SCN10A: variants seen among roughly 807,000 people sequenced by gnomAD.
SCN10A encodes the protein sodium channel protein type 10 subunit alpha.
Under a neutral mutation model 170.7 loss-of-function variants are expected in SCN10A, and 162 were observed. That is an observed-to-expected ratio of 0.95 (90% CI 0.84 to 1.08). The LOEUF (loss-of-function observed/expected upper bound fraction) is 1.08, where lower values mean the gene tolerates loss of function less well. SCN10A is among the 50% of genes least tolerant of loss of function. SCN10A has a pLI of 0.00. For synonymous variants in SCN10A, 985 were observed against 904.6 expected, an observed-to-expected ratio of 1.09 and a Z score of -1.59; for missense variants, 2,527 against 2,436.9, an observed-to-expected ratio of 1.04 and a Z score of -0.78.
At chr3:38,705,177 A>G (rs2063197465) in intron 26 of SCN10A, among the ~76,000 whole-genome samples, 1 of 152,168 alleles carries the variant, frequency 6.6e-6, no homozygotes, top group East Asian at 1.9e-4. Context: ...TGCCACTTCA[A>G]AGTTTTGTTT....
rs1372264391 is a variant in SCN10A at position 38,723,488 on chromosome 3, C to T, written c.3294G>A (p.Leu1098=). 3 of 1,613,718 alleles carry T rather than the reference C, an allele frequency of 1.9e-6. No individual in the cohort carries two copies. Among genetic ancestry groups the T allele is most frequent in the African/African-American group, 2.7e-5 (2 of 74,928 alleles). Residue 1098 remains leucine, a synonymous_variant, in exon 19 of 28, where the codon CTG becomes CTA. Transcript: ENST00000449082. ...TVDCLDPEEI[L]RKIPELADDL... is the part of the protein sequence containing the mutation. Reference sequence around the variant, plus strand: ...CATCTGCCAGCTCAGGGATCTTCCTCAGGATTTCCTCAGGATCTAGGCAGT... The same window carrying T: ...CATCTGCCAGCTCAGGGATCTTCCTTAGGATTTCCTCAGGATCTAGGCAGT...
chr3:38,717,144 T>A (rs1373471345), intron 21 of SCN10A, among the ~76,000 whole-genome samples: 2 of 151,520 alleles, frequency 1.3e-5, no homozygotes, highest in Admixed American at 6.6e-5. Context: ...AAGTTTAGAA[T>A]AAAAGATTGG....
At chr3:38,750,301 T>G in intron 12 of SCN10A, 117 bp from the exon 13 acceptor site, 1 of 603,632 alleles carries the variant, frequency 1.7e-6, no homozygotes. Flanking sequence ...CACTTACAGA[T>G]AGAGATATGT....
rs148344540 is a variant in SCN10A, at chr3:38,803,735, G to C, written c.-32-9693C>G. Among the ~76,000 whole-genome samples the C allele has an allele frequency of 3.3e-5, 5 of 151,794 alleles. No homozygotes were observed. In the East Asian group the frequency reaches 9.7e-4, roughly 30 times the overall value. ...AATGGGTGCAGCACACCAACATGAC[G>C]CATGTATACATATGTAACAAACCTG... On this transcript the variant is annotated intron_variant, in intron 1 of 27. Coordinates refer to ENST00000449082, the MANE Select transcript of SCN10A (RefSeq NM_006514.4).
intron 13 of SCN10A, among the ~76,000 whole-genome samples, chr3:38,748,599 G>T (rs1020660308): frequency 1.3e-5 from 2 of 152,090 alleles, no homozygotes; most frequent in African/African-American, 4.8e-5. Context: ...TCTGGTCCCT[G>T]GTGGGAGAGT....
At chr3:38,769,646 AT>A (rs2063976320) in intron 5 of SCN10A, among the ~76,000 whole-genome samples, 1 of 152,172 alleles carries the variant, frequency 6.6e-6, no homozygotes, top group African/African-American at 2.4e-5. Context: ...CTTTTGTCAT[AT>A]TACCAGAATT....
chr3:38,739,734 G>T, intron 14 of SCN10A, 46 bp from the exon 15 acceptor site: 2 of 1,460,080 alleles, frequency 1.4e-6, no homozygotes, highest in Non-Finnish European at 1.9e-6. Flanking sequence ...CTGTGGGGTC[G>T]GAGGCAATGA....
chr3:38,808,244 CTT>C (rs915023353), intron 1 of SCN10A, among the ~76,000 whole-genome samples: 6 of 55,030 alleles, frequency 1.1e-4, no homozygotes, highest in African/African-American at 8.1e-4. Flanking sequence ...TTCACACATG[CTT>C]TTTTCTCTCT....
intron 4 of SCN10A, among the ~76,000 whole-genome samples, chr3:38,780,434 G>C (rs11925007): frequency 1.8e-3 from 276 of 152,084 alleles, no homozygotes; most frequent in Non-Finnish European, 2.6e-3. Context: ...TTTAAAAATA[G>C]GTGAGTAAAA....
intron 26 of SCN10A, among the ~76,000 whole-genome samples, chr3:38,703,546 G>C (rs1422139234): frequency 6.6e-6 from 1 of 152,214 alleles, no homozygotes; most frequent in Non-Finnish European, 1.5e-5. Context: ...GATCATGAAT[G>C]ACTTCCCATA....
chr3:38,761,101 TAC>T (rs1215374671), intron 7 of SCN10A, 89 bp downstream of exon 7: 140 of 1,052,488 alleles, frequency 1.3e-4, no homozygotes, highest in Non-Finnish European at 1.7e-4. Flanking sequence ...TATATGTCTA[TAC>T]ACACACACAG....
intron 14 of SCN10A, 71 bp downstream of exon 14, chr3:38,742,220 A>G (rs1156801661): frequency 2.4e-5 from 26 of 1,099,704 alleles, no homozygotes; most frequent in Non-Finnish European, 3.5e-5. Flanking sequence ...CCCCACCCGA[A>G]CTGCACCCTG....
chr3:38,808,565 G>T (rs1483162777), intron 1 of SCN10A, among the ~76,000 whole-genome samples: 1 of 152,146 alleles, frequency 6.6e-6, no homozygotes, highest in African/African-American at 2.4e-5. Flanking sequence ...AATATTTGTG[G>T]AGTGAAAGAA....
chr3:38,755,658 G>A (rs1360587030), intron 11 of SCN10A, 130 bp downstream of exon 11: 1 of 985,084 alleles, frequency 1.0e-6, no homozygotes, highest in African/African-American at 1.6e-5. Flanking sequence ...ATTTTGGAGG[G>A]GTGTCTGGAT....
chr3:38,720,015 A>G (rs191610642), intron 20 of SCN10A, among the ~76,000 whole-genome samples: 177 of 152,358 alleles, frequency 1.2e-3, no homozygotes, highest in Non-Finnish European at 2.1e-3. Flanking sequence ...AGGGACAGTG[A>G]CAGGGGGATT....
At chr3:38,711,802 G>C (rs2063276945) in intron 23 of SCN10A, among the ~76,000 whole-genome samples, 1 of 152,208 alleles carries the variant, frequency 6.6e-6, no homozygotes, top group South Asian at 2.1e-4. Context: ...GACCTAATGA[G>C]ACATAATTTA....
Position 38,771,274 on chromosome 3 carries a change from C to T in SCN10A, c.599+5G>A. ...ACATGCAGATCTGCATAGAGATATA[C>T]TCACGCCAGGGTAATGACGCTAAAA... On this transcript the variant is annotated splice_donor_5th_base_variant and intron_variant, in intron 5 of 27. Coordinates refer to ENST00000449082, the MANE Select transcript of SCN10A (RefSeq NM_006514.4). 6.2e-7 allele frequency: 1 copy of T among 1,613,714 alleles called. No homozygotes were observed. The highest frequency in any genetic ancestry group is 1.1e-5 in the South Asian group (1 of 91,004).
rs1266734033 is a variant in SCN10A at position 38,726,746 on chromosome 3, C to T, written c.2947G>A (p.Glu983Lys). 8.1e-6 allele frequency: 13 copies of T among 1,612,836 alleles called. No individual in the cohort carries two copies. Among genetic ancestry groups the T allele is most frequent in the Non-Finnish European group, 1.1e-5 (13 of 1,178,992 alleles). Reference protein sequence around the residue: ...GLQAPRGPRDEHSDFIANPTV... With the variant: ...GLQAPRGPRDKHSDFIANPTV... ...GGATTAGCGATGAAGTCACTGTGCT[C>T]ATCCCTGGGGCCTCTGGGAGCTTGG... The change falls in exon 17 of 28, where the codon GAG becomes AAG. Residue 983 changes from glutamate to lysine, a missense_variant. Physicochemically the swap from Glu to Lys is moderately conservative, Grantham distance 56. Transcript: ENST00000449082.
At chr3:38,756,947 G>T in intron 9 of SCN10A, 71 bp downstream of exon 9, 1 of 1,606,798 alleles carries the variant, frequency 6.2e-7, no homozygotes, top group Non-Finnish European at 8.5e-7. Context: ...GCCTCCTCCA[G>T]GAAAAGCACA....
Sources: allele counts gnomAD v4.1 joint callset (sites outside exome capture counted in the v4.1 genomes callset), GRCh38; gene constraint gnomAD v4.1.1; transcripts MANE v1.5; gene names NCBI Gene and HGNC (gene_info 2026-07-23, HGNC 2026-07-21).